The following USH2A variants were observed in gnomAD, a reference collection of about 807,000 sequenced individuals.
The protein encoded by USH2A is usherin.
USH2A carries 443 observed loss-of-function variants against 538.9 expected under a neutral mutation model. The observed-to-expected ratio is 0.82, with a 90% confidence interval of 0.76 to 0.89. The LOEUF (loss-of-function observed/expected upper bound fraction) is 0.89. Among genes scored for constraint, USH2A ranks in the 40% least tolerant of loss-of-function variants. USH2A has a pLI of 0.00. For missense variants in USH2A, 6,633 were observed against 6,324.8 expected, an observed-to-expected ratio of 1.05 and a Z score of -1.65; for synonymous variants, 2,413 against 2,273.5, an observed-to-expected ratio of 1.06 and a Z score of -1.75.
At position 215,999,047 on chromosome 1, in the gene USH2A, G is replaced by T; in HGVS notation, c.6497C>A (p.Pro2166Gln). 1 of 1,610,736 alleles carries T rather than the reference G, an allele frequency of 6.2e-7. No homozygotes were observed. The highest frequency in any genetic ancestry group is 8.5e-7 in the Non-Finnish European group (1 of 1,177,716). ...TTCCAGAATCCCACTTATTTTTCTT[G>T]GTTGTTTCCACCTGGGAATGGTAAA... is the stretch of plus-strand genomic sequence containing the variant. ...SRTIHIQWKQPRKISGILERY... is the reference protein window; with the variant it reads ...SRTIHIQWKQQRKISGILERY... The change falls in exon 34 of 72, where the codon CCA becomes CAA. Residue 2166 changes from proline (P) to glutamine (Q), a missense_variant. Physicochemically the swap from Pro to Gln is moderately conservative, Grantham distance 76. Transcript: ENST00000307340.
chr1:215,904,017 T>C (rs963478715), intron 38 of USH2A, among the ~76,000 whole-genome samples: 1 of 152,124 alleles, frequency 6.6e-6, no homozygotes, highest in Admixed American at 6.6e-5. Context: ...AATTGATTTA[T>C]AATAAGTGCA....
intron 12 of USH2A, among the ~76,000 whole-genome samples, chr1:216,249,063 T>A (rs2036107118): frequency 6.6e-6 from 1 of 152,120 alleles, no homozygotes; most frequent in African/African-American, 2.4e-5. Context: ...CACTTGTATT[T>A]TCTGGGCTTC....
At chr1:216,147,867 G>A (rs1243630409) in intron 21 of USH2A, among the ~76,000 whole-genome samples, 30 of 147,916 alleles carry the variant, frequency 2.0e-4, no homozygotes, top group Admixed American at 2.7e-4. Flanking sequence ...CCCGCAGCCC[G>A]GGATTCCTCC....
intron 19 of USH2A, among the ~76,000 whole-genome samples, chr1:216,192,507 G>A (rs2034739823): frequency 6.6e-6 from 1 of 151,582 alleles, no homozygotes; most frequent in African/African-American, 2.4e-5. Context: ...ACCTGGCAAA[G>A]ATGGCAAAAC....
intron 22 of USH2A, among the ~76,000 whole-genome samples, chr1:216,093,731 A>C (rs1164329029): frequency 2.0e-5 from 3 of 152,194 alleles, no homozygotes; most frequent in African/African-American, 7.2e-5. Flanking sequence ...GTGGCTATAA[A>C]TACTCAAAAT....
chr1:215,703,502 T>C (rs1292788561), intron 61 of USH2A, among the ~76,000 whole-genome samples: 2 of 152,208 alleles, frequency 1.3e-5, no homozygotes, highest in Non-Finnish European at 2.9e-5. Context: ...CTTTCAGAGA[T>C]GCCCTGCCTA....
At chr1:216,296,613 ATG>A (rs1339074434) in intron 9 of USH2A, among the ~76,000 whole-genome samples, 3 of 152,118 alleles carry the variant, frequency 2.0e-5, no homozygotes, top group Non-Finnish European at 2.9e-5. Flanking sequence ...AGGAGACAGA[ATG>A]AGAACAATTC....
chr1:215,853,055 C>G (rs916261207), intron 44 of USH2A, among the ~76,000 whole-genome samples: 1 of 152,248 alleles, frequency 6.6e-6, no homozygotes, highest in Admixed American at 6.5e-5. Flanking sequence ...GAGGCACCCA[C>G]CCCTTTTCCC....
In USH2A at chr1:215,993,000, G is replaced by A. The variant is rs747837029; in HGVS notation, c.6805+20C>T. 2 of 1,613,900 alleles carry A rather than the reference G, an allele frequency of 1.2e-6. No homozygotes were observed. Among genetic ancestry groups the A allele is most frequent in the East Asian group, 4.5e-5 (2 of 44,880 alleles). On this transcript the variant is annotated intron_variant, in intron 35 of 71. Coordinates refer to ENST00000307340, the MANE Select transcript of USH2A (RefSeq NM_206933.4). Reference sequence around the variant, plus strand: ...TTTGCTAATCATCTTTTTAACTTGAGGCTAAAAGAGTTCACTTACCATTCG... The same window carrying A: ...TTTGCTAATCATCTTTTTAACTTGAAGCTAAAAGAGTTCACTTACCATTCG...
At chr1:216,148,700 C>A (rs1399813326) in intron 21 of USH2A, among the ~76,000 whole-genome samples, 20 of 151,976 alleles carry the variant, frequency 1.3e-4, no homozygotes, top group Admixed American at 1.3e-3. Context: ...CCTTATCAAC[C>A]AAATTGTTTT....
At chr1:215,778,937 G>C (rs1160018477) in intron 55 of USH2A, among the ~76,000 whole-genome samples, 1 of 152,160 alleles carries the variant, frequency 6.6e-6, no homozygotes, top group African/African-American at 2.4e-5. Context: ...AAAGTGCTTA[G>C]GACAGCGTCT....
chr1:216,309,203 A>G (rs1394114463), intron 9 of USH2A, among the ~76,000 whole-genome samples: 1 of 152,182 alleles, frequency 6.6e-6, no homozygotes, highest in African/African-American at 2.4e-5. Flanking sequence ...ATAACACAGG[A>G]CCATAAAACA....
At chr1:215,972,767 AG>A (rs1174415007) in intron 35 of USH2A, among the ~76,000 whole-genome samples, 3 of 152,110 alleles carry the variant, frequency 2.0e-5, no homozygotes, top group Non-Finnish European at 2.9e-5. Context: ...TTTTACTCTC[AG>A]GTACCACTTA....
At chr1:215,630,864 TAA>T (rs564956710) in intron 70 of USH2A, among the ~76,000 whole-genome samples, 1 of 135,454 alleles carries the variant, frequency 7.4e-6, no homozygotes, top group Non-Finnish European at 1.6e-5. Flanking sequence ...ACAAACAAAT[TAA>T]AAAAAAAAAA....
intron 37 of USH2A, among the ~76,000 whole-genome samples, chr1:215,953,771 C>T (rs977382394): frequency 6.6e-6 from 1 of 151,790 alleles, no homozygotes; most frequent in African/African-American, 2.4e-5. Flanking sequence ...TCAGAGTGAA[C>T]AGGCAACCTA....
intron 64 of USH2A, among the ~76,000 whole-genome samples, chr1:215,668,673 T>C (rs964608085): frequency 1.3e-5 from 2 of 152,206 alleles, no homozygotes; most frequent in Non-Finnish European, 2.9e-5. Context: ...TTAGTCATCC[T>C]TAGTGCCTGA....
chr1:215,846,232 A>G (rs1663843388), intron 44 of USH2A, among the ~76,000 whole-genome samples, 199 bp from the exon 45 acceptor site: 2 of 152,110 alleles, frequency 1.3e-5, no homozygotes. Flanking sequence ...TTTATTTTTG[A>G]GACAGAGTCT....
chr1:215,860,744 A>T (rs985109269), intron 44 of USH2A, among the ~76,000 whole-genome samples: 1 of 152,220 alleles, frequency 6.6e-6, no homozygotes, highest in Admixed American at 6.5e-5. Context: ...CAGATCAATT[A>T]TAGTAAATCA....
chr1:216,184,177 G>C (rs1440784318), intron 20 of USH2A, among the ~76,000 whole-genome samples: 2 of 151,982 alleles, frequency 1.3e-5, no homozygotes, highest in Non-Finnish European at 2.9e-5. Context: ...TTGTAAAATG[G>C]TGCCTTTATT....
Sources: allele counts gnomAD v4.1 joint callset (sites outside exome capture counted in the v4.1 genomes callset), GRCh38; gene constraint gnomAD v4.1.1; transcripts MANE v1.5; gene names NCBI Gene and HGNC (gene_info 2026-07-23, HGNC 2026-07-21).